SCAMP1: variants seen among roughly 807,000 people sequenced by gnomAD.
The protein encoded by SCAMP1 is secretory carrier-associated membrane protein 1.
SCAMP1 carries 15 observed loss-of-function variants against 41.8 expected under a neutral mutation model. The observed-to-expected ratio is 0.36, with a 90% CI of 0.24 to 0.55. SCAMP1 has a LOEUF of 0.55. SCAMP1 is among the 20% of genes least tolerant of loss of function. The pLI is 0.86. For missense variants in SCAMP1, 341 were observed against 412.6 expected, an observed-to-expected ratio of 0.83 and a Z score of 1.50; for synonymous variants, 135 against 136.8, an observed-to-expected ratio of 0.99 and a Z score of 0.09.
At chr5:78,369,574 G>A (rs751573155) in intron 1 of SCAMP1, among the ~76,000 whole-genome samples, 39 of 152,174 alleles carry the variant, frequency 2.6e-4, no homozygotes, top group Non-Finnish European at 4.8e-4. Flanking sequence ...GTAGTGTGAC[G>A]CTAGAGATGT....
chr5:78,374,969 T>G (rs10078289), intron 1 of SCAMP1, among the ~76,000 whole-genome samples: 28,317 of 152,038 alleles, frequency 0.19, 3,262 homozygotes, highest in Admixed American at 0.34. Context: ...TTTTAATGGC[T>G]TTTCCTAGCT....
intron 6 of SCAMP1, among the ~76,000 whole-genome samples, chr5:78,431,534 C>CTTTT (rs11380148): frequency 2.5e-4 from 30 of 121,258 alleles, no homozygotes; most frequent in African/African-American, 9.5e-4. Flanking sequence ...TTCTTTTTGC[C>CTTTT]TTTTTTTTTT....
intron 2 of SCAMP1, among the ~76,000 whole-genome samples, chr5:78,406,491 G>T (rs1428483259): frequency 6.6e-6 from 1 of 152,128 alleles, no homozygotes; most frequent in Non-Finnish European, 1.5e-5. Context: ...GCATGACAAA[G>T]ACAACTCATG....
At chr5:78,448,549 G>T (rs1009901002) in intron 6 of SCAMP1, among the ~76,000 whole-genome samples, 3 of 152,184 alleles carry the variant, frequency 2.0e-5, no homozygotes, top group Non-Finnish European at 4.4e-5. Flanking sequence ...CACATAAAAA[G>T]ATGCTCAACA....
At chr5:78,440,670 G>A (rs1752897937) in intron 6 of SCAMP1, among the ~76,000 whole-genome samples, 1 of 152,314 alleles carries the variant, frequency 6.6e-6, no homozygotes, top group African/African-American at 2.4e-5. Context: ...ACCCACTTGA[G>A]GAGGCAGTCC....
intron 2 of SCAMP1, among the ~76,000 whole-genome samples, chr5:78,402,049 C>A (rs550071571): frequency 6.6e-6 from 1 of 151,986 alleles, no homozygotes; most frequent in African/African-American, 2.4e-5. Context: ...GCTCAAAATA[C>A]TTTAAAATTT....
At chr5:78,449,873 TTCCCC>T in intron 6 of SCAMP1, 55 bp from the exon 7 acceptor site, 1 of 858,448 alleles carries the variant, frequency 1.2e-6, no homozygotes, top group Non-Finnish European at 1.8e-6. Flanking sequence ...AATGACGTTT[TTCCCC>T]TTCTTTCTCT....
intron 8 of SCAMP1, among the ~76,000 whole-genome samples, chr5:78,467,098 A>C (rs1753767856): frequency 6.6e-6 from 1 of 152,186 alleles, no homozygotes; most frequent in Admixed American, 6.5e-5. Context: ...TTAAAATATA[A>C]ATATTGAGTA....
chr5:78,437,664 C>G (rs1350505758), intron 6 of SCAMP1, among the ~76,000 whole-genome samples: 1 of 152,180 alleles, frequency 6.6e-6, no homozygotes, highest in Non-Finnish European at 1.5e-5. Flanking sequence ...GGATATTGGT[C>G]TAAAATTCTC....
intron 1 of SCAMP1, among the ~76,000 whole-genome samples, chr5:78,377,534 G>A (rs1248316937): frequency 1.3e-5 from 2 of 152,188 alleles, no homozygotes; most frequent in Non-Finnish European, 2.9e-5. Flanking sequence ...ACAGAGGCCA[G>A]TTTCTTATTC....
chr5:78,471,292 C>T (rs751153938), intron 8 of SCAMP1, among the ~76,000 whole-genome samples: 2 of 152,002 alleles, frequency 1.3e-5, no homozygotes, highest in Non-Finnish European at 2.9e-5. Flanking sequence ...TTAAAGGGTG[C>T]GTGAGATTTC....
intron 5 of SCAMP1, among the ~76,000 whole-genome samples, chr5:78,420,723 C>T (rs1752320880): frequency 6.6e-6 from 1 of 151,856 alleles, no homozygotes; most frequent in African/African-American, 2.4e-5. Context: ...AAACAAAAAA[C>T]AAAACTCTAG....
intron 2 of SCAMP1, among the ~76,000 whole-genome samples, chr5:78,407,404 C>G (rs1751959434): frequency 6.6e-6 from 1 of 152,190 alleles, no homozygotes; most frequent in South Asian, 2.1e-4. Flanking sequence ...GAGAAGCTAG[C>G]TCAGTCTTAG....
chr5:78,448,499 T>C (rs1252926237), intron 6 of SCAMP1, among the ~76,000 whole-genome samples: 1 of 152,178 alleles, frequency 6.6e-6, no homozygotes, highest in East Asian at 1.9e-4. Flanking sequence ...GAAAAATATT[T>C]TAATTAGTTC....
chr5:78,385,112 A>G (rs1303250928), intron 1 of SCAMP1, among the ~76,000 whole-genome samples: 5 of 152,082 alleles, frequency 3.3e-5, no homozygotes, highest in Non-Finnish European at 7.4e-5. Flanking sequence ...TTTAATTACC[A>G]TTTCAGTCTC....
chr5:78,457,542 T>G (rs933742127), intron 7 of SCAMP1, among the ~76,000 whole-genome samples: 2 of 152,110 alleles, frequency 1.3e-5, no homozygotes, highest in African/African-American at 4.8e-5. Context: ...GTCTGCCCGT[T>G]CTCAGATCTC....
At chr5:78,365,986 A>G (rs80103107) in intron 1 of SCAMP1, among the ~76,000 whole-genome samples, 3,030 of 152,188 alleles carry the variant, frequency 0.02, 115 homozygotes, top group African/African-American at 0.068. Flanking sequence ...TTTATAAACA[A>G]CAGAAATTTA....
chr5:78,387,062 A>C (rs1751359132), intron 1 of SCAMP1, among the ~76,000 whole-genome samples: 1 of 152,182 alleles, frequency 6.6e-6, no homozygotes. Flanking sequence ...CCAAACTTTT[A>C]GATTTCTCTT....
At chr5:78,384,402 A>G (rs1751291164) in intron 1 of SCAMP1, among the ~76,000 whole-genome samples, 1 of 152,160 alleles carries the variant, frequency 6.6e-6, no homozygotes, top group South Asian at 2.1e-4. Context: ...ATCAGCAAAC[A>G]GCAATAGTTT....
Sources: allele counts gnomAD v4.1 joint callset (sites outside exome capture counted in the v4.1 genomes callset), GRCh38; gene constraint gnomAD v4.1.1; transcripts MANE v1.5; gene names NCBI Gene and HGNC (gene_info 2026-07-23, HGNC 2026-07-21).